Variants in DAB2 observed in about 807,000 individuals in gnomAD.
The protein encoded by DAB2 is DAB adaptor protein 2.
In DAB2, 28 loss-of-function variants were observed where a neutral mutation model predicts 71.6. The observed-to-expected ratio is 0.39, with a 90% CI of 0.29 to 0.54. The LOEUF is 0.54. Ranked by LOEUF, DAB2 falls within the 20% of genes least tolerant of loss-of-function variation. The probability of loss-of-function intolerance (pLI) is 0.68; values close to 1 mark genes in which losing one functional copy is unlikely to be tolerated. For synonymous variants in DAB2, 345 were observed against 339.7 expected, an observed-to-expected ratio of 1.02 and a Z score of -0.17; for missense variants, 867 against 928.8, an observed-to-expected ratio of 0.93 and a Z score of 0.86.
At chr5:39,418,789 A>G (rs1370475683) in intron 1 of DAB2, among the ~76,000 whole-genome samples, 2 of 152,208 alleles carry the variant, frequency 1.3e-5, no homozygotes, top group Non-Finnish European at 1.5e-5. Context: ...TGAGAACAAG[A>G]CCATTTAAAA....
chr5:39,387,769 G>A (rs1292654914), intron 9 of DAB2: 1 of 149,702 alleles, frequency 6.7e-6, no homozygotes, highest in Non-Finnish European at 1.5e-5. Context: ...TTACAGGGTT[G>A]TTACAGATCA....
At position 39,376,980 on chromosome 5, in the gene DAB2, C is replaced by G. The variant is rs1228349826; in HGVS notation, c.1807G>C (p.Ala603Pro). The change falls in exon 12 of 15, where the codon GCT becomes CCT. Residue 603 changes from alanine to proline, a missense_variant. Coordinates refer to ENST00000320816, the MANE Select transcript of DAB2 (RefSeq NM_001343.4). ...PFQSNIFPAP[A>P]VSTQPPSMHS... ...ATGGATGGGGGCTGAGTGGACACAG[C>G]AGGAGCTGGAAAAATATTGCTCTGA... The G allele has an allele frequency of 1.9e-6, 3 of 1,613,908 alleles. No individual in the cohort carries two copies. The highest frequency in any genetic ancestry group is 1.3e-5 in the African/African-American group (1 of 74,862).
At chr5:39,400,492 A>G (rs186983679) in intron 1 of DAB2, among the ~76,000 whole-genome samples, 1 of 152,226 alleles carries the variant, frequency 6.6e-6, no homozygotes, top group African/African-American at 2.4e-5. Context: ...TCGGCCTCCC[A>G]GAGTGCTGGG....
intron 9 of DAB2, among the ~76,000 whole-genome samples, chr5:39,386,163 T>C (rs1228951696): frequency 6.6e-6 from 1 of 152,228 alleles, no homozygotes; most frequent in Non-Finnish European, 1.5e-5. Flanking sequence ...TTTCTTTCTT[T>C]TCCTTTTTTG....
chr5:39,387,538 C>CAAAT (rs979912757), intron 9 of DAB2, among the ~76,000 whole-genome samples: 14 of 152,084 alleles, frequency 9.2e-5, no homozygotes, highest in Admixed American at 1.3e-4. Context: ...CTATGCCTTG[C>CAAAT]AAATAGCAGG....
chr5:39,405,464 C>T (rs1397161729), intron 1 of DAB2, among the ~76,000 whole-genome samples: 2 of 152,218 alleles, frequency 1.3e-5, no homozygotes, highest in African/African-American at 4.8e-5. Context: ...GGTTAAAAAT[C>T]ACATTTCTGT....
At chr5:39,381,681 T>C in intron 10 of DAB2, 65 bp from the exon 11 acceptor site, 1 of 1,585,388 alleles carries the variant, frequency 6.3e-7, no homozygotes, top group South Asian at 1.1e-5. Context: ...CAGCCTCATT[T>C]TGTCTCCTAC....
Position 39,381,527 on chromosome 5 carries a change from T to C in DAB2, c.1431A>G (p.Thr477=). ...SGQASPTGQP[T]ALQPNPLDLF... ...GATCCAGAGGGTTGGGCTGCAGGGC[T>C]GTAGGTTGTCCTGTGGGTGACGCCT... Residue 477 remains threonine (T), a synonymous_variant, in exon 11 of 15, where the codon ACA becomes ACG. Transcript: ENST00000320816. The C allele has an allele frequency of 1.9e-6, 3 of 1,614,126 alleles. No homozygotes were observed. Among genetic ancestry groups the C allele is most frequent in the South Asian group, 1.1e-5 (1 of 91,086 alleles).
intron 14 of DAB2, among the ~76,000 whole-genome samples, chr5:39,374,573 A>C (rs1371572926): frequency 6.6e-6 from 1 of 152,220 alleles, no homozygotes; most frequent in Non-Finnish European, 1.5e-5. Flanking sequence ...TAAATGGTAG[A>C]GAAGTAATGA....
chr5:39,415,052 G>A (rs1755816546), intron 1 of DAB2, among the ~76,000 whole-genome samples: 1 of 152,000 alleles, frequency 6.6e-6, no homozygotes, highest in South Asian at 2.1e-4. Context: ...AAGCTTCATT[G>A]CTGTTAATAA....
chr5:39,397,839 C>A (rs769258832), intron 1 of DAB2, among the ~76,000 whole-genome samples: 5 of 152,156 alleles, frequency 3.3e-5, no homozygotes, highest in Non-Finnish European at 7.3e-5. Context: ...CTACTTTTAA[C>A]TTTCTAGGCC....
intron 1 of DAB2, among the ~76,000 whole-genome samples, chr5:39,407,059 C>T (rs1376755056): frequency 6.6e-6 from 1 of 152,198 alleles, no homozygotes; most frequent in Non-Finnish European, 1.5e-5. Context: ...AGAGGCAACG[C>T]ACTCACACCA....
chr5:39,388,347 C>A lies in DAB2; in HGVS notation c.645G>T (p.Leu215Phe). The part of the protein sequence containing the change: ...KLKSGVDQMD[L>F]FGDMSTPPDL... ...CAGGAGGTGTAGACATGTCCCCAAA[C>A]AAATCCATCTGGTCAACACCCTTAA... Residue 215 changes from leucine to phenylalanine, a missense_variant, in exon 9 of 15, where the codon TTG becomes TTT. Coordinates refer to ENST00000320816, the MANE Select transcript of DAB2 (RefSeq NM_001343.4). The A allele has an allele frequency of 6.2e-7, 1 of 1,612,254 alleles. No individual in the cohort carries two copies. Among genetic ancestry groups the A allele is most frequent in the Non-Finnish European group, 8.5e-7 (1 of 1,178,650 alleles).
chr5:39,388,500 A>G, intron 8 of DAB2, 133 bp from the exon 9 acceptor site: 1 of 703,710 alleles, frequency 1.4e-6, no homozygotes, highest in Non-Finnish European at 2.4e-6. Flanking sequence ...AATAGATTTC[A>G]TATTAAGCTG....
intron 1 of DAB2, among the ~76,000 whole-genome samples, chr5:39,419,233 A>G (rs1755917379): frequency 6.6e-6 from 1 of 152,178 alleles, no homozygotes; most frequent in South Asian, 2.1e-4. Flanking sequence ...TTAACTCTCT[A>G]TCCTATGTCC....
chr5:39,406,599 A>G (rs1229739374), intron 1 of DAB2, among the ~76,000 whole-genome samples: 1 of 152,242 alleles, frequency 6.6e-6, no homozygotes, highest in Non-Finnish European at 1.5e-5. Flanking sequence ...AAGTGATATT[A>G]ATCAGAACAT....
chr5:39,401,483 C>G (rs958498033), intron 1 of DAB2, among the ~76,000 whole-genome samples: 9 of 152,172 alleles, frequency 5.9e-5, no homozygotes, highest in African/African-American at 4.8e-5. Context: ...AGCATAGCAG[C>G]TAATAGCTCA....
intron 1 of DAB2, among the ~76,000 whole-genome samples, chr5:39,403,636 T>C (rs182049201): frequency 2.2e-3 from 328 of 152,304 alleles, no homozygotes; most frequent in Non-Finnish European, 3.9e-3. Context: ...GTCTGAGACT[T>C]GCAGATCAAA....
Position 39,389,949 on chromosome 5 carries a change from C to T in DAB2, c.463-17G>A. ...TGGTTCAGCCTGCAGTAAGGGAAAG[C>T]ACTGTTATCCGTATTTTAATTTTAG... On this transcript the variant is annotated splice_polypyrimidine_tract_variant and intron_variant, in intron 5 of 14. Coordinates refer to ENST00000320816, the MANE Select transcript of DAB2 (RefSeq NM_001343.4). 2.0e-6 allele frequency: 3 copies of T among 1,471,384 alleles called. No homozygotes were observed. Among genetic ancestry groups the T allele is most frequent in the Non-Finnish European group, 2.8e-6 (3 of 1,081,186 alleles). 91.1% of individuals were successfully genotyped at this position (1,471,384 alleles called of 1,614,324 possible). A position where few individuals can be genotyped will look rare whatever the true frequency, so the allele number is the denominator to read the frequency against.
Sources: allele counts gnomAD v4.1 joint callset (sites outside exome capture counted in the v4.1 genomes callset), GRCh38; gene constraint gnomAD v4.1.1; transcripts MANE v1.5; gene names NCBI Gene and HGNC (gene_info 2026-07-23, HGNC 2026-07-21).